The following NFIX variants were observed in gnomAD, a reference collection of about 807,000 sequenced individuals.
NFIX encodes the protein nuclear factor I X.
In NFIX, 2 loss-of-function variants were observed where a neutral mutation model predicts 53.3. The ratio of observed to expected loss-of-function variants is 0.04; its 90% CI spans 0.02 to 0.12. The LOEUF (loss-of-function observed/expected upper bound fraction) is 0.12. Among genes scored for constraint, NFIX ranks in the 10% least tolerant of loss-of-function variants. The pLI is 1.00. For missense variants in NFIX, 310 were observed against 674.5 expected, an observed-to-expected ratio of 0.46 and a Z score of 5.99; for synonymous variants, 244 against 289.0, an observed-to-expected ratio of 0.84 and a Z score of 1.58.
chr19:12,999,286 C>T (rs2011587653), intron 1 of NFIX, among the ~76,000 whole-genome samples: 1 of 151,788 alleles, frequency 6.6e-6, no homozygotes, highest in Non-Finnish European at 1.5e-5. Context: ...CAATTCTCTG[C>T]CTCAGCTTCC....
At chr19:13,035,487 T>C (rs2014121809) in intron 2 of NFIX, among the ~76,000 whole-genome samples, 1 of 152,196 alleles carries the variant, frequency 6.6e-6, no homozygotes, top group Non-Finnish European at 1.5e-5. Flanking sequence ...CCGGTAATCC[T>C]GTCAGGCCCG....
At chr19:13,050,709 C>T (rs1158887942) in intron 2 of NFIX, among the ~76,000 whole-genome samples, 2 of 152,090 alleles carry the variant, frequency 1.3e-5, no homozygotes, top group Non-Finnish European at 2.9e-5. Context: ...CCCTGGGTGT[C>T]GGTGGCCTCA....
At position 13,016,654 on chromosome 19, in the gene NFIX, GTT is replaced by G. The variant is rs200460597; in HGVS notation, c.28-8352_28-8351del. On this transcript the variant is annotated intron_variant, in intron 1 of 10. Transcript: ENST00000592199. ...GTTCAAATTGGGTTGTTGGGTTTGA[GTT>G]TTTTTTTTTTTTTTAATGGATCTTG... Among the ~76,000 whole-genome samples the G allele has an allele frequency of 1.0e-3, 132 of 131,942 alleles. 1 individual carries two copies. Among genetic ancestry groups the G allele is most frequent in the African/African-American group, 2.8e-3 (102 of 36,090 alleles). The allele number at this position is 131,942 out of a possible 152,430, so 86.6% of individuals were successfully genotyped here.
In NFIX at chr19:13,084,492, C is replaced by T. The variant is rs184840232; in HGVS notation, c.1254+2637C>T. 7.9e-5 allele frequency among the ~76,000 whole-genome samples: 12 copies of T among 152,256 alleles called. No homozygotes were observed. The East Asian group carries it at 1.9e-3, about 24-fold the overall frequency. On this transcript the variant is annotated intron_variant, in intron 8 of 10. Coordinates refer to ENST00000592199, the MANE Select transcript of NFIX (RefSeq NM_001365902.3). Reference sequence around the variant, plus strand: ...AAACCCAGAATTTTATAGACAATTGCAGAAGGGTTCCCAGGGCACACCTAT... The same window carrying T: ...AAACCCAGAATTTTATAGACAATTGTAGAAGGGTTCCCAGGGCACACCTAT...
chr19:13,037,375 C>A lies in NFIX; in HGVS notation c.559+11823C>A, dbSNP rs972366677. On this transcript the variant is annotated intron_variant, in intron 2 of 10. Transcript: ENST00000592199. The surrounding 1 kb of genome is among the most constrained non-coding windows in gnomAD (Gnocchi z 4.2). ...GTAGGCCAGTTTCAGCCTTAGTAAT[C>A]TAAGAAATATGTGAGCAATTTGATG... Among the ~76,000 whole-genome samples, 1 of 152,190 alleles carries A rather than the reference C, an allele frequency of 6.6e-6. No individual in the cohort carries two copies. The highest frequency in any genetic ancestry group is 1.5e-5 in the Non-Finnish European group (1 of 68,040).
rs2013302478 is a variant in NFIX, at chr19:13,025,870, C to A, written c.559+318C>A. Among the ~76,000 whole-genome samples, 1 of 152,152 alleles carries A rather than the reference C, an allele frequency of 6.6e-6. No homozygotes were observed. The highest frequency in any genetic ancestry group is 2.4e-5 in the African/African-American group (1 of 41,436). ...GGGGACATGATGCCCCCAGAATTAT[C>A]CATGATGGTGAGAGTTTGAGATGAA... On this transcript the variant is annotated intron_variant, in intron 2 of 10. Coordinates refer to ENST00000592199, the MANE Select transcript of NFIX (RefSeq NM_001365902.3). This position sits in a 1 kb window ranked among gnomAD's most constrained non-coding sequence, Gnocchi z 7.5.
At chr19:13,075,490 C>T (rs771057967) in intron 5 of NFIX, 45 bp from the exon 6 acceptor site, 48 of 1,605,440 alleles carry the variant, frequency 3.0e-5, no homozygotes, top group Non-Finnish European at 3.9e-5. Context: ...CTCCCTGGAG[C>T]CTCAGCCCAT....
In NFIX at chr19:13,025,167, C is replaced by T; in HGVS notation, c.174C>T (p.Asp58=). ...MSKDEERAVK[D]ELLGEKPEIK... ...AGGACGAGGAGCGGGCGGTGAAGGA[C>T]GAGCTGCTGGGCGAGAAGCCCGAGA... The change falls in exon 2 of 11, where the codon GAC becomes GAT. Residue 58 remains aspartate (D), a synonymous_variant. Coordinates refer to ENST00000592199, the MANE Select transcript of NFIX (RefSeq NM_001365902.3). This position sits in a 1 kb window ranked among gnomAD's most constrained non-coding sequence, Gnocchi z 7.5. 3.1e-6 allele frequency: 5 copies of T among 1,614,218 alleles called. No homozygotes were observed. The highest frequency in any genetic ancestry group is 4.2e-6 in the Non-Finnish European group (5 of 1,180,034).
At chr19:13,075,404 A>G in intron 5 of NFIX, 131 bp from the exon 6 acceptor site, 1 of 995,570 alleles carries the variant, frequency 1.0e-6, no homozygotes, top group Non-Finnish European at 1.5e-6. Context: ...GTGCCCAGAA[A>G]TGCTGCTGTC....
rs749361102 is a variant in NFIX, at chr19:13,066,363, C to T, written c.560-6684C>T. On this transcript the variant is annotated intron_variant, in intron 2 of 10. Coordinates refer to ENST00000592199, the MANE Select transcript of NFIX (RefSeq NM_001365902.3). This position sits in a 1 kb window ranked among gnomAD's most constrained non-coding sequence, Gnocchi z 4.2. Reference sequence around the variant, plus strand: ...CCTGTGCCTTCCCTACCCCCCCGCCCCCAACAATGGCTTTTCTTGAGCCTA... The same window carrying T: ...CCTGTGCCTTCCCTACCCCCCCGCCTCCAACAATGGCTTTTCTTGAGCCTA... Among the ~76,000 whole-genome samples the T allele has an allele frequency of 2.4e-4, 37 of 152,122 alleles. No individual in the cohort carries two copies. The highest frequency in any genetic ancestry group is 4.4e-4 in the Non-Finnish European group (30 of 68,018).
rs1261520698 is a variant in NFIX at position 12,998,702 on chromosome 19, C to G, written c.27+2838C>G. Among the ~76,000 whole-genome samples, 1 of 152,146 alleles carries G rather than the reference C, an allele frequency of 6.6e-6. No individual in the cohort carries two copies. Among genetic ancestry groups the G allele is most frequent in the African/African-American group, 2.4e-5 (1 of 41,414 alleles). On this transcript the variant is annotated intron_variant, in intron 1 of 10. Transcript: ENST00000592199. This position sits in a 1 kb window ranked among gnomAD's most constrained non-coding sequence, Gnocchi z 4.4. ...AAGATGGGGATGTAAGTGTCCTGTTCACACCGATGTCCAGACCCACGACCA... is the reference window on the plus strand; with the variant it reads ...AAGATGGGGATGTAAGTGTCCTGTTGACACCGATGTCCAGACCCACGACCA...
In NFIX at chr19:12,996,835, C is replaced by A. The variant is rs1412354725; in HGVS notation, c.27+971C>A. Among the ~76,000 whole-genome samples the A allele has an allele frequency of 1.3e-5, 2 of 152,264 alleles. No individual in the cohort carries two copies. The highest frequency in any genetic ancestry group is 2.9e-5 in the Non-Finnish European group (2 of 68,034). ...CCCGCCTGCAGCGAAGTTCCCTGCGCGGCGCACGGCTGCGGCAAAAGCTTC... is the reference window on the plus strand; with the variant it reads ...CCCGCCTGCAGCGAAGTTCCCTGCGAGGCGCACGGCTGCGGCAAAAGCTTC... On this transcript the variant is annotated intron_variant, in intron 1 of 10. Transcript: ENST00000592199. This position sits in a 1 kb window ranked among gnomAD's most constrained non-coding sequence, Gnocchi z 5.2.
chr19:13,076,382 C>A (rs1007373457), intron 6 of NFIX, among the ~76,000 whole-genome samples: 2 of 152,214 alleles, frequency 1.3e-5, no homozygotes, highest in African/African-American at 4.8e-5. Context: ...AACCCACCCC[C>A]CTTCACCTCC....
intron 1 of NFIX, among the ~76,000 whole-genome samples, chr19:13,018,764 G>C (rs1429460572): frequency 6.6e-6 from 1 of 152,230 alleles, no homozygotes. Flanking sequence ...TCTGGCCACT[G>C]TCTTCTTGTG....
intron 2 of NFIX, among the ~76,000 whole-genome samples, chr19:13,048,483 AT>A (rs58117566): frequency 0.059 from 8,653 of 145,850 alleles, 769 homozygotes; most frequent in African/African-American, 0.19. Context: ...TCTCTGTTGT[AT>A]TTTTTTTTTT....
intron 1 of NFIX, among the ~76,000 whole-genome samples, chr19:13,016,515 T>C (rs2012673427): frequency 6.8e-6 from 1 of 146,342 alleles, no homozygotes; most frequent in African/African-American, 2.5e-5. Context: ...TCTCTGCCCC[T>C]GCCCCCCGCC....
chr19:13,009,195 GCA>G lies in NFIX; in HGVS notation c.27+13338_27+13339del, dbSNP rs2012194089. Among the ~76,000 whole-genome samples the G allele has an allele frequency of 6.6e-6, 1 of 152,018 alleles. No individual in the cohort carries two copies. The highest frequency in any genetic ancestry group is 1.5e-5 in the Non-Finnish European group (1 of 68,006). ...CACACACACACACAGCGGCACAGTC[GCA>G]CACACAGCCAGCCTCACGCGATCAC... On this transcript the variant is annotated intron_variant, in intron 1 of 10. Coordinates refer to ENST00000592199, the MANE Select transcript of NFIX (RefSeq NM_001365902.3). This position sits in a 1 kb window ranked among gnomAD's most constrained non-coding sequence, Gnocchi z 4.7.
chr19:13,055,935 C>A (rs1012018013), intron 2 of NFIX, among the ~76,000 whole-genome samples: 2 of 152,190 alleles, frequency 1.3e-5, no homozygotes, highest in Non-Finnish European at 2.9e-5. Flanking sequence ...CGGAGGTGAC[C>A]CCCCAGTCGC....
chr19:13,081,721 A>G lies in NFIX; in HGVS notation c.1120A>G (p.Thr374Ala), dbSNP rs2017479235. The G allele has an allele frequency of 1.9e-6, 3 of 1,612,968 alleles. No homozygotes were observed. Among genetic ancestry groups the G allele is most frequent in the Non-Finnish European group, 1.7e-6 (2 of 1,179,690 alleles). ...ATASALHFPS[T>A]SIIQQSSPYF... Reference sequence around the variant, plus strand: ...AGCATCAGCCCTGCACTTCCCCTCCACGTCCATCATCCAGCAGTCGAGCCC... The same window carrying G: ...AGCATCAGCCCTGCACTTCCCCTCCGCGTCCATCATCCAGCAGTCGAGCCC... Residue 374 changes from threonine (T) to alanine (A), a missense_variant, in exon 8 of 11, where the codon ACG (threonine) becomes GCG (alanine). Around this residue, in one of 5 missense-constraint regions of NFIX, gnomAD observed 35 missense variants for 114.8 expected, o/e 0.30. Coordinates refer to ENST00000592199, the MANE Select transcript of NFIX (RefSeq NM_001365902.3). The surrounding 1 kb of genome is among the most constrained non-coding windows in gnomAD (Gnocchi z 4.7).
Sources: gnomAD v4.1 joint callset for allele counts (sites outside exome capture counted in the v4.1 genomes callset) on GRCh38, gnomAD v4.1.1 for gene constraint, gnomAD v4.1.1 regional missense constraint, Gnocchi (gnomAD v3.1) non-coding constraint, MANE v1.5 for transcripts, NCBI Gene and HGNC (gene_info 2026-07-23, HGNC 2026-07-21) for gene names.